The following DBF4B variants were observed in gnomAD, a reference collection of about 807,000 sequenced individuals.
DBF4B encodes the protein DBF4B-CDC7 kinase regulatory subunit, also known as protein DBF4 homolog B.
DBF4B carries 49 observed loss-of-function variants against 53.4 expected under a neutral mutation model. That is an observed-to-expected ratio of 0.92 (90% confidence interval 0.73 to 1.16). The LOEUF is 1.16. Among genes scored for constraint, DBF4B ranks in the 50% most tolerant of loss-of-function variants. DBF4B has a pLI of 0.00. For synonymous variants in DBF4B, 257 were observed against 288.7 expected, an observed-to-expected ratio of 0.89 and a Z score of 1.11; for missense variants, 692 against 775.0, an observed-to-expected ratio of 0.89 and a Z score of 1.27.
At chr17:44,720,864 CTTTT>C (rs35497738) in intron 2 of DBF4B, among the ~76,000 whole-genome samples, 1 of 141,722 alleles carries the variant, frequency 7.1e-6, no homozygotes, top group Non-Finnish European at 1.5e-5. Context: ...TATTATCTGG[CTTTT>C]TTTTTTTTTT....
intron 2 of DBF4B, among the ~76,000 whole-genome samples, chr17:44,721,221 C>CG (rs998694050): frequency 3.2e-5 from 4 of 126,212 alleles, no homozygotes; most frequent in Non-Finnish European, 4.9e-5. Flanking sequence ...ATTCTTCCCC[C>CG]CCCCTCCCCT....
intron 3 of DBF4B, among the ~76,000 whole-genome samples, chr17:44,726,607 A>C (rs1974367274): frequency 6.6e-6 from 1 of 151,952 alleles, no homozygotes; most frequent in Admixed American, 6.6e-5. Flanking sequence ...ATAACCTTAA[A>C]GCGTTAGCAC....
At position 44,732,297 on chromosome 17, in the gene DBF4B, G is replaced by A. The variant is rs762952156; in HGVS notation, c.556+32G>A. The A allele has an allele frequency of 3.7e-6, 6 of 1,609,424 alleles. No individual in the cohort carries two copies. The Admixed American group carries it at 1.0e-4, about 27-fold the overall frequency. ...TTTCTGTGCTGGGCTCCTGTGGAGG[G>A]AGAATTGGTGACTTTGACCAGGAGT... On this transcript the variant is annotated intron_variant, in intron 6 of 13. Coordinates refer to ENST00000315005, the MANE Select transcript of DBF4B (RefSeq NM_145663.3).
rs775809936 is a variant in DBF4B at position 44,748,393 on chromosome 17, C to T, written c.1117C>T (p.His373Tyr). Residue 373 changes from histidine (H) to tyrosine (Y), a missense_variant, in exon 13 of 14, where the codon CAC (histidine) becomes TAC (tyrosine). By Grantham distance (83) the His-to-Tyr change is moderately conservative. Transcript: ENST00000315005. The part of the protein sequence containing the change: ...DCDPLCPETL[H>Y]PHQPSHPRAA... ...TGACCCTCTCTGTCCTGAGACTCTG[C>T]ACCCCCATCAGCCCTCCCATCCCAG... 2 of 1,613,240 alleles carry T rather than the reference C, an allele frequency of 1.2e-6. No individual in the cohort carries two copies. Among genetic ancestry groups the T allele is most frequent in the South Asian group, 2.2e-5 (2 of 90,940 alleles).
intron 3 of DBF4B, among the ~76,000 whole-genome samples, chr17:44,729,704 A>ACC (rs1272739451): frequency 6.6e-6 from 1 of 151,470 alleles, no homozygotes; most frequent in Non-Finnish European, 1.5e-5. Flanking sequence ...ACACACACAC[A>ACC]CACACACACA....
intron 3 of DBF4B, among the ~76,000 whole-genome samples, chr17:44,723,574 A>G (rs1217104860): frequency 6.6e-6 from 1 of 152,038 alleles, no homozygotes; most frequent in Non-Finnish European, 1.5e-5. Flanking sequence ...CCTGGCCTAA[A>G]TGACAAAACC....
intron 3 of DBF4B, among the ~76,000 whole-genome samples, chr17:44,728,733 C>T (rs189893384): frequency 6.6e-6 from 1 of 151,982 alleles, no homozygotes; most frequent in South Asian, 2.1e-4. Context: ...AGGAGAATTG[C>T]TTGAACCTGG....
intron 2 of DBF4B, among the ~76,000 whole-genome samples, chr17:44,713,666 A>C (rs1267447906): frequency 6.6e-6 from 1 of 151,936 alleles, no homozygotes; most frequent in Non-Finnish European, 1.5e-5. Context: ...CAAACAAACA[A>C]AACATTATTC....
chr17:44,723,541 G>A (rs141210568), intron 3 of DBF4B, among the ~76,000 whole-genome samples: 233 of 151,934 alleles, frequency 1.5e-3, no homozygotes, highest in African/African-American at 4.9e-3. Flanking sequence ...ATTACTTGAC[G>A]TCAGGAGTTA....
chr17:44,717,784 G>A lies in DBF4B; in HGVS notation c.83-5096G>A, dbSNP rs759004847. ...AATCCCAGCACTTTGGGAGGCTGAG[G>A]TGAGAAGATCACTTGAGCCCAGGAG... is the stretch of plus-strand genomic sequence containing the variant. On this transcript the variant is annotated intron_variant, in intron 2 of 13. Coordinates refer to ENST00000315005, the MANE Select transcript of DBF4B (RefSeq NM_145663.3). 8.6e-5 allele frequency among the ~76,000 whole-genome samples: 13 copies of A among 151,848 alleles called. No individual in the cohort carries two copies. In the South Asian group the frequency reaches 1.2e-3, roughly 15 times the overall value.
chr17:44,740,399 C>A (rs1037180361), intron 9 of DBF4B, among the ~76,000 whole-genome samples: 1 of 152,154 alleles, frequency 6.6e-6, no homozygotes, highest in African/African-American at 2.4e-5. Context: ...ACACAGATCA[C>A]TTCTGTCTCT....
chr17:44,719,147 A>G (rs1225004887), intron 2 of DBF4B: 2 of 151,734 alleles, frequency 1.3e-5, no homozygotes, highest in African/African-American at 2.4e-5. Context: ...TTGTATTTTT[A>G]GTAGAGACAG....
chr17:44,725,573 T>A (rs1353233353), intron 3 of DBF4B, among the ~76,000 whole-genome samples: 1 of 151,976 alleles, frequency 6.6e-6, no homozygotes, highest in East Asian at 1.9e-4. Context: ...CTGTACCCAT[T>A]ATCAGTCACT....
chr17:44,742,114 A>G (rs1976104072), intron 10 of DBF4B, among the ~76,000 whole-genome samples: 1 of 151,990 alleles, frequency 6.6e-6, no homozygotes, highest in Non-Finnish European at 1.5e-5. Flanking sequence ...AAATGTAAAA[A>G]ATTATGAGTC....
intron 3 of DBF4B, among the ~76,000 whole-genome samples, chr17:44,723,227 C>G (rs928706300): frequency 6.6e-6 from 1 of 152,200 alleles, no homozygotes. Context: ...CTGCCTCAAC[C>G]TCCCAGGTAG....
At chr17:44,734,714 A>G (rs1261370164) in intron 7 of DBF4B, among the ~76,000 whole-genome samples, 2 of 152,222 alleles carry the variant, frequency 1.3e-5, no homozygotes, top group Admixed American at 1.3e-4. Context: ...AAATCTACAG[A>G]TCTACCCACA....
In DBF4B at chr17:44,736,862, GA is replaced by G; in HGVS notation, c.666del (p.Val223TrpfsTer4). On this transcript the variant is annotated frameshift_variant, in exon 8 of 14. Transcript: ENST00000315005. LOFTEE classifies it high-confidence loss of function. ...TCPAAESRTR[K>X]VARLKAPFLK... ...GTCCAGCAGCAGAGTCAAGAACACG[GA>G]AAGGTCAGTGTGGTAGCTTTTCCTC... 1 of 1,614,014 alleles carries G rather than the reference GA, an allele frequency of 6.2e-7. No homozygotes were observed. The highest frequency in any genetic ancestry group is 1.1e-5 in the South Asian group (1 of 91,044).
chr17:44,722,159 C>T (rs76233782), intron 2 of DBF4B, among the ~76,000 whole-genome samples: 56 of 151,470 alleles, frequency 3.7e-4, no homozygotes, highest in African/African-American at 4.1e-4. Context: ...AAAAAGGAAA[C>T]GACCCCACTA....
chr17:44,751,813 G>T lies in DBF4B; in HGVS notation c.*560G>T. On this transcript the variant is annotated 3_prime_UTR_variant, in exon 14 of 14. Coordinates refer to ENST00000315005, the MANE Select transcript of DBF4B (RefSeq NM_145663.3). ...GACAGGCTACTGGTGACCAAAGTTG[G>T]TTCCTTTTCTCCTTTCTTTCCTCCT... 1 of 1,530,158 alleles carries T rather than the reference G, an allele frequency of 6.5e-7. No homozygotes were observed. The highest frequency in any genetic ancestry group is 1.2e-5 in the South Asian group (1 of 83,414). The allele number at this position is 1,530,158 out of a possible 1,614,324, so 94.8% of individuals were successfully genotyped here.
Sources: allele counts gnomAD v4.1 joint callset (sites outside exome capture counted in the v4.1 genomes callset), GRCh38; gene constraint gnomAD v4.1.1; transcripts MANE v1.5; gene names NCBI Gene and HGNC (gene_info 2026-07-23, HGNC 2026-07-21).